The following CTBP1 variants were observed in gnomAD, a reference collection of about 807,000 sequenced individuals.
CTBP1 encodes the protein C-terminal binding protein 1, also known as C-terminal-binding protein 1.
Under a neutral mutation model 42.1 loss-of-function variants are expected in CTBP1, and 11 were observed. The ratio of observed to expected loss-of-function variants is 0.26; its 90% CI spans 0.16 to 0.43. The LOEUF is 0.43. Among genes scored for constraint, CTBP1 ranks in the 20% least tolerant of loss-of-function variants. The pLI, the probability that CTBP1 is intolerant of heterozygous loss-of-function variation, is 1.00. For synonymous variants in CTBP1, 324 were observed against 277.1 expected (o/e 1.17, Z -1.68); for missense variants, 399 against 624.3 (o/e 0.64, Z 3.85).
chr4:1,226,449 G>A (rs1039243089), intron 4 of CTBP1, among the ~76,000 whole-genome samples: 2 of 151,986 alleles, frequency 1.3e-5, no homozygotes, highest in African/African-American at 4.8e-5. Context: ...GCCGGGAGAG[G>A]GCCTGATGTG....
intron 2 of CTBP1, among the ~76,000 whole-genome samples, chr4:1,240,839 C>T (rs1423741381): frequency 6.6e-6 from 1 of 152,176 alleles, no homozygotes; most frequent in Non-Finnish European, 1.5e-5. Flanking sequence ...AGTCACACGG[C>T]CTGTGCTGAA....
Position 1,212,229 on chromosome 4 carries a change from C to G in CTBP1, c.*11G>C. ...CTGCCCAGGCGCCGAGGCTGGAGAG[C>G]TCCTCCCGGGCTACAACTGGTCACT... On this transcript the variant is annotated 3_prime_UTR_variant, in exon 10 of 10. Coordinates refer to ENST00000382952, the MANE Select transcript of CTBP1 (RefSeq NM_001012614.2). 1 of 1,447,462 alleles carries G rather than the reference C, an allele frequency of 6.9e-7. No homozygotes were observed. Among genetic ancestry groups the G allele is most frequent in the Non-Finnish European group, 9.1e-7 (1 of 1,096,678 alleles). 89.7% of individuals were successfully genotyped at this position (1,447,462 alleles called of 1,614,324 possible).
In CTBP1 at chr4:1,241,499, T is replaced by C; in HGVS notation, c.-168A>G. 6.2e-7 allele frequency: 1 copy of C among 1,601,984 alleles called. No individual in the cohort carries two copies. The highest frequency in any genetic ancestry group is 8.5e-7 in the Non-Finnish European group (1 of 1,178,480). On this transcript the variant is annotated 5_prime_UTR_variant, in exon 2 of 10. Transcript: ENST00000382952. The stretch of plus-strand genomic sequence containing the variant: ...CTGATCCGCGGCAATCACTGAAGCC[T>C]GCGTCGGGGTCAAAGTCTTACTAAA...
rs201848036 is a variant in CTBP1, at chr4:1,214,522, C to T, written c.730-49G>A. The T allele has an allele frequency of 1.9e-4, 285 of 1,515,236 alleles. No homozygotes were observed. In the African/African-American group the frequency reaches 3.2e-3, roughly 17 times the overall value. 93.9% of individuals were successfully genotyped at this position (1,515,236 alleles called of 1,614,324 possible). ...GGCCCAGTCAGGGATCCGCACAGGGCGGGCAGCCAGGGAAGCAAGGTGGTC... is the reference window on the plus strand; with the variant it reads ...GGCCCAGTCAGGGATCCGCACAGGGTGGGCAGCCAGGGAAGCAAGGTGGTC... On this transcript the variant is annotated intron_variant, in intron 6 of 9. Coordinates refer to ENST00000382952, the MANE Select transcript of CTBP1 (RefSeq NM_001012614.2).
At chr4:1,222,835 G>A (rs188622115) in intron 5 of CTBP1, among the ~76,000 whole-genome samples, 97 of 152,192 alleles carry the variant, frequency 6.4e-4, no homozygotes, top group African/African-American at 2.2e-3. Context: ...CACAGACCCC[G>A]ACCCCAGGAG....
rs934470549 is a variant in CTBP1 at position 1,243,476 on chromosome 4, G to A, written c.-188-1957C>T. ...CTGCTCCAGTTCAGGACAGACACCT[G>A]AGGCCCAGCACCTGGTTCTCCTCCA... On this transcript the variant is annotated intron_variant, in intron 1 of 9. Coordinates refer to ENST00000382952, the MANE Select transcript of CTBP1 (RefSeq NM_001012614.2). 1.2e-5 allele frequency: 12 copies of A among 985,264 alleles called. No homozygotes were observed. The African/African-American group carries it at 2.1e-4, about 17-fold the overall frequency. 61.0% of individuals were successfully genotyped at this position (985,264 alleles called of 1,614,324 possible).
chr4:1,241,624 C>T (rs1732185617), intron 1 of CTBP1, 105 bp from the exon 2 acceptor site: 2 of 1,420,306 alleles, frequency 1.4e-6, no homozygotes, highest in Non-Finnish European at 1.9e-6. Context: ...GCATCTGCCA[C>T]ACCCGGGACT....
At position 1,223,481 on chromosome 4, in the gene CTBP1, G is replaced by A. The variant is rs374273580; in HGVS notation, c.514+1879C>T. On this transcript the variant is annotated intron_variant, in intron 5 of 9. Coordinates refer to ENST00000382952, the MANE Select transcript of CTBP1 (RefSeq NM_001012614.2). ...CGTCCGATTCCCCAAACGCTGGCGG[G>A]ACAAGGACAGCGGTCAGCAGGAGTG... The A allele has an allele frequency of 4.2e-3, 1,926 of 456,122 alleles. 8 individuals are homozygous for A. Among genetic ancestry groups the A allele is most frequent in the Non-Finnish European group, 5.3e-3 (1,201 of 226,908 alleles). The allele number at this position is 456,122 out of a possible 1,614,324, so 28.3% of individuals were successfully genotyped here.
At chr4:1,224,015 CA>C (rs1406698524) in intron 5 of CTBP1, among the ~76,000 whole-genome samples, 1 of 152,190 alleles carries the variant, frequency 6.6e-6, no homozygotes, top group African/African-American at 2.4e-5. Context: ...GGGCCAGCGC[CA>C]GGGGCAGCTG....
At chr4:1,225,211 G>C (rs1730197605) in intron 5 of CTBP1, 149 bp downstream of exon 5, 1 of 907,082 alleles carries the variant, frequency 1.1e-6, no homozygotes, top group Non-Finnish European at 1.6e-6. Context: ...CCGGGCCCTG[G>C]TGCCTGTGCG....
intron 1 of CTBP1, among the ~76,000 whole-genome samples, chr4:1,247,207 G>A (rs1029557187): frequency 3.3e-5 from 5 of 152,262 alleles, no homozygotes; most frequent in African/African-American, 1.2e-4. Context: ...AAGGCTGACA[G>A]GAAGAAGTGC....
intron 3 of CTBP1, among the ~76,000 whole-genome samples, chr4:1,229,011 C>A (rs989977334): frequency 6.6e-6 from 1 of 152,228 alleles, no homozygotes; most frequent in Non-Finnish European, 1.5e-5. Context: ...TTTCAGTGTC[C>A]ATGACAACTC....
intron 3 of CTBP1, among the ~76,000 whole-genome samples, chr4:1,232,344 CT>C (rs1325954218): frequency 1.3e-5 from 2 of 152,204 alleles, no homozygotes; most frequent in African/African-American, 2.4e-5. Context: ...CAGAGTCTTG[CT>C]CTGTTGCCCA....
chr4:1,219,832 A>G (rs1729539928), intron 5 of CTBP1, among the ~76,000 whole-genome samples: 1 of 152,216 alleles, frequency 6.6e-6, no homozygotes, highest in African/African-American at 2.4e-5. Flanking sequence ...CCGGCCTAAC[A>G]TGGAGAATTT....
In CTBP1 at chr4:1,228,471, C is replaced by T. The variant is rs189630911; in HGVS notation, c.163-128G>A. On this transcript the variant is annotated intron_variant, in intron 3 of 9. Transcript: ENST00000382952. ...CAGGCTTGTTCCCCAAGCACCAGCC[C>T]GGACACTGGGAGAGGCTACATGAAG... 139 of 1,192,136 alleles carry T rather than the reference C, an allele frequency of 1.2e-4. 1 individual carries two copies. The East Asian group carries it at 2.7e-3, about 23-fold the overall frequency. The allele number at this position is 1,192,136 out of a possible 1,614,324, so 73.8% of individuals were successfully genotyped here.
At chr4:1,232,795 G>A (rs964424999) in intron 3 of CTBP1, 19 of 152,192 alleles carry the variant, frequency 1.2e-4, no homozygotes, top group African/African-American at 3.9e-4. Flanking sequence ...AGTAGGCAGC[G>A]AGCATCTGTG....
intron 2 of CTBP1, among the ~76,000 whole-genome samples, chr4:1,239,374 A>G (rs866310959): frequency 4.6e-5 from 7 of 152,184 alleles, no homozygotes; most frequent in Middle Eastern, 3.2e-3. Flanking sequence ...GACCGGCCAC[A>G]GGAGACCAAG....
In CTBP1 at chr4:1,233,731, C is replaced by T. The variant is rs375282323; in HGVS notation, c.162+4452G>A. 1.3e-5 allele frequency among the ~76,000 whole-genome samples: 2 copies of T among 152,296 alleles called. No homozygotes were observed. Among genetic ancestry groups the T allele is most frequent in the African/African-American group, 2.4e-5 (1 of 41,564 alleles). Reference sequence around the variant, plus strand: ...GCCTCCCAGGCCCCGACATTCTTCCCGCTCCTCCTGTGACCGCACTGACGG... The same window carrying T: ...GCCTCCCAGGCCCCGACATTCTTCCTGCTCCTCCTGTGACCGCACTGACGG... On this transcript the variant is annotated intron_variant, in intron 3 of 9. Coordinates refer to ENST00000382952, the MANE Select transcript of CTBP1 (RefSeq NM_001012614.2). The surrounding 1 kb of genome is among the most constrained non-coding windows in gnomAD (Gnocchi z 4.6).
At chr4:1,232,168 G>A (rs1321585937) in intron 3 of CTBP1, among the ~76,000 whole-genome samples, 1 of 152,210 alleles carries the variant, frequency 6.6e-6, no homozygotes, top group African/African-American at 2.4e-5. Context: ...CTTGGCCTCT[G>A]GATACGCTGG....
Sources: allele counts gnomAD v4.1 joint callset (sites outside exome capture counted in the v4.1 genomes callset), GRCh38; gene constraint gnomAD v4.1.1; non-coding constraint Gnocchi (gnomAD v3.1); transcripts MANE v1.5; gene names NCBI Gene and HGNC (gene_info 2026-07-23, HGNC 2026-07-21).